PRKAR1A: variants seen among roughly 807,000 people sequenced by gnomAD.
The protein encoded by PRKAR1A is cAMP-dependent protein kinase type I-alpha regulatory subunit.
A neutral mutation model predicts 52.0 loss-of-function variants in PRKAR1A; 3 were observed. The observed-to-expected ratio is 0.06, with a 90% CI of 0.03 to 0.15. The LOEUF (loss-of-function observed/expected upper bound fraction) is 0.15. Among genes scored for constraint, PRKAR1A ranks in the 10% least tolerant of loss-of-function variants. The pLI is 1.00. For synonymous variants in PRKAR1A, 188 were observed against 168.4 expected, an observed-to-expected ratio of 1.12 and a Z score of -0.90; for missense variants, 240 against 477.4, an observed-to-expected ratio of 0.50 and a Z score of 4.63.
downstream of PRKAR1A, chr17:68,535,519 TCTC>T (rs1450873010): frequency 4.4e-6 from 2 of 453,940 alleles, no homozygotes; most frequent in African/African-American, 4.0e-5. Context: ...CTGTGTGTGA[TCTC>T]CTGGTTCTTC....
the PRKAR1A span, among the ~76,000 whole-genome samples, chr17:68,489,524 A>G: frequency 2.1e-5 from 3 of 145,658 alleles, no homozygotes; most frequent in Non-Finnish European, 4.5e-5. Context: ...TGGAAAGTGT[A>G]TATATATATA....
upstream of PRKAR1A, among the ~76,000 whole-genome samples, chr17:68,508,604 C>T (rs2085225785): frequency 6.6e-6 from 1 of 152,120 alleles, no homozygotes; most frequent in South Asian, 2.1e-4. Context: ...ATCACTTGTA[C>T]CCAAATCCTT....
the PRKAR1A span, chr17:68,424,398 GT>G: frequency 1.9e-6 from 1 of 531,656 alleles, no homozygotes; most frequent in Non-Finnish European, 3.9e-6. Context: ...TCACTAGAGG[GT>G]TCCACGGATC....
Position 68,530,764 on chromosome 17 carries a change from A to AT in PRKAR1A, c.*317dup. On this transcript the variant is annotated 3_prime_UTR_variant, in exon 11 of 11. Coordinates refer to ENST00000589228, the MANE Select transcript of PRKAR1A (RefSeq NM_002734.5). ...GAGGGCAGATCCCAGCACCTATTGA[A>AT]TTACCATAGAGTAATGATGTAACAG... 7.6e-7 allele frequency: 1 copy of AT among 1,310,522 alleles called. No homozygotes were observed. The highest frequency in any genetic ancestry group is 1.6e-5 in the South Asian group (1 of 63,564). 81.2% of individuals were successfully genotyped at this position (1,310,522 alleles called of 1,614,324 possible).
chr17:68,486,190 G>C, the PRKAR1A span, among the ~76,000 whole-genome samples: 52 of 142,108 alleles, frequency 3.7e-4, 1 homozygote, highest in Admixed American at 1.5e-3. Context: ...ACTAAGAGAA[G>C]AGCTCATGAG....
chr17:68,532,453 T>C lies in PRKAR1A; in HGVS notation c.*2004T>C. 2 of 1,060,726 alleles carry C rather than the reference T, an allele frequency of 1.9e-6. No individual in the cohort carries two copies. The highest frequency in any genetic ancestry group is 2.3e-6 in the Non-Finnish European group (2 of 874,868). 65.7% of individuals were successfully genotyped at this position (1,060,726 alleles called of 1,614,324 possible). A position where few individuals can be genotyped will look rare whatever the true frequency, so the allele number is the denominator to read the frequency against. On this transcript the variant is annotated 3_prime_UTR_variant, in exon 11 of 11. Transcript: ENST00000589228. ...TTCTGTAGTTTTTAATTAAAAACTT[T>C]AAAGATAAGTCTACATTAAACAATG...
At chr17:68,524,482 C>T (rs546480290) in intron 5 of PRKAR1A, among the ~76,000 whole-genome samples, 2 of 152,216 alleles carry the variant, frequency 1.3e-5, no homozygotes, top group South Asian at 2.1e-4. Flanking sequence ...TAGATTCTTA[C>T]TTTGCCTATA....
upstream of PRKAR1A, among the ~76,000 whole-genome samples, chr17:68,508,956 C>T (rs2085229862): frequency 6.6e-6 from 1 of 151,950 alleles, no homozygotes; most frequent in Non-Finnish European, 1.5e-5. Context: ...TACTCAGTAC[C>T]ATTGTACACC....
At chr17:68,465,739 G>C in the PRKAR1A span, among the ~76,000 whole-genome samples, 3 of 148,716 alleles carry the variant, frequency 2.0e-5, no homozygotes, top group Admixed American at 2.0e-4. Context: ...AAAGTGCTGG[G>C]ATTACAGGCA....
At chr17:68,489,171 C>A in the PRKAR1A span, among the ~76,000 whole-genome samples, 16 of 106,888 alleles carry the variant, frequency 1.5e-4, 2 homozygotes, top group South Asian at 4.3e-3. Flanking sequence ...ACTAAGTGAG[C>A]ACCCATCTTG....
At chr17:68,537,810 C>T (rs1407207522), downstream of PRKAR1A, 6 of 1,520,254 alleles carry the variant, frequency 3.9e-6, no homozygotes, top group African/African-American at 2.8e-5. The surrounding 1 kb of genome is among the most constrained non-coding windows in gnomAD (Gnocchi z 4.2). Flanking sequence ...AACTTCTTTC[C>T]CCACAAACAG....
chr17:68,546,384 T>C (rs1199550438), intron 11 of PRKAR1A, among the ~76,000 whole-genome samples: 1 of 152,022 alleles, frequency 6.6e-6, no homozygotes, highest in Non-Finnish European at 1.5e-5. Context: ...CTGTTAATGT[T>C]GATATTTTTA....
the PRKAR1A span, chr17:68,430,226 C>T: frequency 6.6e-7 from 1 of 1,516,324 alleles, no homozygotes. Flanking sequence ...CAGGAATCTC[C>T]ACACCCAAGC....
At chr17:68,424,400 T>C in the PRKAR1A span, 1 of 532,078 alleles carries the variant, frequency 1.9e-6, no homozygotes, top group Non-Finnish European at 3.9e-6. Flanking sequence ...ACTAGAGGGT[T>C]CCACGGATCT....
chr17:68,529,551 G>T (rs1027834119), intron 9 of PRKAR1A, among the ~76,000 whole-genome samples: 1 of 152,170 alleles, frequency 6.6e-6, no homozygotes, highest in African/African-American at 2.4e-5. Context: ...GGACCATAGG[G>T]TTTCATTCGC....
the PRKAR1A span, among the ~76,000 whole-genome samples, chr17:68,459,578 CA>C: frequency 6.6e-6 from 1 of 152,116 alleles, no homozygotes; most frequent in Non-Finnish European, 1.5e-5. Context: ...AGTAAAGGGA[CA>C]GGAGAGACTA....
chr17:68,489,297 ATATATATATATATGGAAAG>A, the PRKAR1A span, among the ~76,000 whole-genome samples: 117 of 83,516 alleles, frequency 1.4e-3, 4 homozygotes, highest in African/African-American at 2.2e-3. Flanking sequence ...TATGGAAAGT[ATATATATATATATGGAAAG>A]TATATATATA....
the PRKAR1A span, among the ~76,000 whole-genome samples, chr17:68,455,694 A>G: frequency 6.6e-6 from 1 of 152,192 alleles, no homozygotes; most frequent in African/African-American, 2.4e-5. Flanking sequence ...AAGGAAATTA[A>G]CTTTCAAAGC....
the PRKAR1A span, among the ~76,000 whole-genome samples, chr17:68,499,388 G>C: frequency 6.6e-6 from 1 of 152,112 alleles, no homozygotes; most frequent in East Asian, 1.9e-4. Context: ...GAGAGAGAGA[G>C]AGAGAGAGAG....
Sources: gnomAD v4.1 joint callset for allele counts (sites outside exome capture counted in the v4.1 genomes callset) on GRCh38, gnomAD v4.1.1 for gene constraint, Gnocchi (gnomAD v3.1) non-coding constraint, MANE v1.5 for transcripts, NCBI Gene and HGNC (gene_info 2026-07-23, HGNC 2026-07-21) for gene names.